Variants in SYCE1 observed in about 807,000 individuals in gnomAD.
SYCE1 encodes cancer/testis antigen 76.
A neutral mutation model predicts 55.1 loss-of-function variants in SYCE1; 37 were observed. That is an observed-to-expected ratio of 0.67 (90% CI 0.52 to 0.88). The LOEUF is 0.88. Ranked by LOEUF, SYCE1 falls within the 40% of genes least tolerant of loss-of-function variation. The pLI, the probability that SYCE1 is intolerant of heterozygous loss-of-function variation, is 0.00. For synonymous variants in SYCE1, 163 were observed against 159.4 expected, an observed-to-expected ratio of 1.02 and a Z score of -0.17; for missense variants, 399 against 416.4, an observed-to-expected ratio of 0.96 and a Z score of 0.36.
upstream of SYCE1, among the ~76,000 whole-genome samples, chr10:133,566,037 G>A (rs1851926888): frequency 6.6e-6 from 1 of 152,124 alleles, no homozygotes; most frequent in South Asian, 2.1e-4. Context: ...TGGGCCCGCT[G>A]TTCCTGCGCG....
Position 133,555,882 on chromosome 10 carries a change from A to C in SYCE1, c.617T>G (p.Leu206Arg). 1.9e-6 allele frequency: 3 copies of C among 1,614,088 alleles called. No individual in the cohort carries two copies. Among genetic ancestry groups the C allele is most frequent in the Non-Finnish European group, 2.5e-6 (3 of 1,179,978 alleles). Reference sequence around the variant, plus strand: ...GCACAGCTGATGCTTCACGTCTTCCAGTGTCGCCTTGACCAGCTTCTCTGC... The same window carrying C: ...GCACAGCTGATGCTTCACGTCTTCCCGTGTCGCCTTGACCAGCTTCTCTGC... ...LKEEKLVKATLEDVKHQLCSL... is the reference protein window; with the variant it reads ...LKEEKLVKATREDVKHQLCSL... Residue 206 changes from leucine to arginine, a missense_variant, in exon 10 of 13, where the codon CTG becomes CGG. Coordinates refer to ENST00000343131, the MANE Select transcript of SYCE1 (RefSeq NM_001143764.3).
chr10:133,558,809 C>T (rs898621788), intron 4 of SYCE1, 68 bp downstream of exon 4: 5 of 1,517,174 alleles, frequency 3.3e-6, no homozygotes, highest in Non-Finnish European at 4.5e-6. Context: ...TGCTGATTAT[C>T]TGGAATACAG....
chr10:133,565,795 G>T (rs1183800893), upstream of SYCE1, among the ~76,000 whole-genome samples: 2 of 152,238 alleles, frequency 1.3e-5, no homozygotes, highest in Non-Finnish European at 2.9e-5. Context: ...GGGTGCCCCC[G>T]CGCATGTGCG....
chr10:133,554,115 T>C (rs1851589425), downstream of SYCE1: 1 of 517,122 alleles, frequency 1.9e-6, no homozygotes, highest in African/African-American at 1.9e-5. Context: ...ATATATTTTC[T>C]AACTTCCACT....
Position 133,555,860 on chromosome 10 carries a change from C to T in SYCE1, c.639G>A (p.Leu213=), listed in dbSNP as rs1484134884. Residue 213 remains leucine (L), a synonymous_variant, in exon 10 of 13, where the codon CTG becomes CTA. Transcript: ENST00000343131. ...GGCCCTCAGCCCCACACAGGGAGCA[C>T]AGCTGATGCTTCACGTCTTCCAGTG... is the stretch of plus-strand genomic sequence containing the variant. ...KATLEDVKHQ[L]CSLCGAEGPS... is the part of the protein sequence containing the mutation. The T allele has an allele frequency of 5.0e-6, 8 of 1,614,086 alleles. No homozygotes were observed. In the Admixed American group the frequency reaches 1.0e-4, roughly 20 times the overall value.
At chr10:133,559,271 C>T in intron 3 of SYCE1, 30 bp downstream of exon 3, 1 of 1,613,162 alleles carries the variant, frequency 6.2e-7, no homozygotes, top group Non-Finnish European at 8.5e-7. Context: ...GCAGCTGGTC[C>T]TAGCTGGCAG....
At chr10:133,559,850 T>C (rs1367117312) in intron 2 of SYCE1, 6 of 526,380 alleles carry the variant, frequency 1.1e-5, no homozygotes, top group Non-Finnish European at 3.4e-6. Flanking sequence ...TGGAGCCAGA[T>C]GGGTGACCAG....
rs773647867 is a variant in SYCE1, at chr10:133,555,723, G to A, written c.720-16C>T. ...AAACAGCTGCCTGGGGGGCCCAGTAGGGGGTGGTCAGCACCGGCCACTCCC... is the reference window on the plus strand; with the variant it reads ...AAACAGCTGCCTGGGGGGCCCAGTAAGGGGTGGTCAGCACCGGCCACTCCC... On this transcript the variant is annotated splice_polypyrimidine_tract_variant and intron_variant, in intron 10 of 12. Transcript: ENST00000343131. The A allele has an allele frequency of 6.2e-7, 1 of 1,607,336 alleles. No homozygotes were observed. Among genetic ancestry groups the A allele is most frequent in the Non-Finnish European group, 8.5e-7 (1 of 1,179,888 alleles).
intron 1 of SYCE1, chr10:133,560,981 A>G (rs1449642314): frequency 2.0e-5 from 3 of 152,180 alleles, no homozygotes; most frequent in African/African-American, 7.2e-5. Context: ...ATGACCTTGA[A>G]GCAAACCCCC....
rs1390901231 is a variant in SYCE1 at position 133,562,268 on chromosome 10, TGTGTGTGTGTGTGTGTGTGTGTGTG to T, written c.74-2140_74-2116del. ...ATTAAAAGCTAACATCCAATGTGTGTGTGTGTGTGTGTGTGTGTGTGTGTGTGTGTGTGTGTGTGTGTGTGTGTAT... is the reference window on the plus strand; with the variant it reads ...ATTAAAAGCTAACATCCAATGTGTGTTGTGTGTGTGTGTGTGTGTGTGTAT... On this transcript the variant is annotated intron_variant, in intron 1 of 12. Coordinates refer to ENST00000343131, the MANE Select transcript of SYCE1 (RefSeq NM_001143764.3). Among the ~76,000 whole-genome samples the T allele has an allele frequency of 0.027, 52 of 1,928 alleles. 1 individual carries two copies. In the East Asian group the frequency reaches 0.27, roughly 10 times the overall value. 1.3% of individuals were successfully genotyped at this position (1,928 alleles called of 152,430 possible).
At chr10:133,558,972 A>C in intron 3 of SYCE1, 21 bp from the exon 4 acceptor site, 3 of 1,605,580 alleles carry the variant, frequency 1.9e-6, no homozygotes, top group Non-Finnish European at 2.5e-6. Context: ...GAGCAGAAAA[A>C]CATTGTGTGA....
chr10:133,567,579 C>T (rs1345380622), upstream of SYCE1, among the ~76,000 whole-genome samples: 4 of 152,022 alleles, frequency 2.6e-5, no homozygotes, highest in Non-Finnish European at 4.4e-5. Flanking sequence ...CCTTACTTCC[C>T]CCCAAATTCT....
In SYCE1 at chr10:133,554,881, T is replaced by C; in HGVS notation, c.*111A>G. On this transcript the variant is annotated 3_prime_UTR_variant, in exon 13 of 13. Coordinates refer to ENST00000343131, the MANE Select transcript of SYCE1 (RefSeq NM_001143764.3). Reference sequence around the variant, plus strand: ...GGAAGCATTTATTGAAAACCTGTGATGTACCTCTGGCCCAGACCAAGAGGC... The same window carrying C: ...GGAAGCATTTATTGAAAACCTGTGACGTACCTCTGGCCCAGACCAAGAGGC... 1 of 1,458,104 alleles carries C rather than the reference T, an allele frequency of 6.9e-7. No homozygotes were observed. Among genetic ancestry groups the C allele is most frequent in the Non-Finnish European group, 9.1e-7 (1 of 1,104,822 alleles). 90.3% of individuals were successfully genotyped at this position (1,458,104 alleles called of 1,614,324 possible). A position where few individuals can be genotyped will look rare whatever the true frequency, so the allele number is the denominator to read the frequency against.
chr10:133,563,628 T>C (rs1436072134), intron 1 of SYCE1, among the ~76,000 whole-genome samples: 1 of 150,694 alleles, frequency 6.6e-6, no homozygotes, highest in African/African-American at 2.4e-5. Context: ...AGGTCAAGGC[T>C]GCAGTGAGCA....
chr10:133,566,741 G>C (rs1851947562), upstream of SYCE1, among the ~76,000 whole-genome samples: 1 of 151,668 alleles, frequency 6.6e-6, no homozygotes, highest in African/African-American at 2.4e-5. Flanking sequence ...ACGTGTTGGG[G>C]TTGGGATTAG....
chr10:133,559,764 G>C, intron 2 of SYCE1: 1 of 363,982 alleles, frequency 2.7e-6, no homozygotes, highest in Non-Finnish European at 5.2e-6. Context: ...GGAGCCTAGC[G>C]AGCAAAGAGG....
At chr10:133,561,050 T>C (rs1350909926) in intron 1 of SYCE1, 2 of 152,136 alleles carry the variant, frequency 1.3e-5, no homozygotes. Flanking sequence ...ATCGAACCAA[T>C]GTTCATCTTA....
intron 2 of SYCE1, chr10:133,559,632 G>A (rs1851775016): frequency 8.4e-6 from 4 of 476,552 alleles, no homozygotes; most frequent in South Asian, 4.6e-5. Flanking sequence ...GTGCTCCTGA[G>A]ATATGGGAAG....
chr10:133,555,155 G>A, intron 12 of SYCE1, 26 bp from the exon 13 acceptor site: 2 of 1,538,850 alleles, frequency 1.3e-6, no homozygotes, highest in Non-Finnish European at 1.8e-6. Flanking sequence ...GTCCAGGGTG[G>A]GAATTTACAC....
Sources: gnomAD v4.1 joint callset for allele counts (sites outside exome capture counted in the v4.1 genomes callset) on GRCh38, gnomAD v4.1.1 for gene constraint, MANE v1.5 for transcripts, NCBI Gene and HGNC (gene_info 2026-07-23, HGNC 2026-07-21) for gene names.